The following CEACAM7 variants were observed in gnomAD, a reference collection of about 807,000 sequenced individuals.
CEACAM7 encodes CEA cell adhesion molecule 7, also known as cell adhesion molecule CEACAM7.
Under a neutral mutation model 25.7 loss-of-function variants are expected in CEACAM7, and 24 were observed. The observed-to-expected ratio is 0.93, with a 90% CI of 0.68 to 1.31. CEACAM7 has a LOEUF of 1.31. Among genes scored for constraint, CEACAM7 ranks in the 40% most tolerant of loss-of-function variants. The pLI, the probability that CEACAM7 is intolerant of heterozygous loss-of-function variation, is 0.00. For synonymous variants in CEACAM7, 144 were observed against 129.4 expected, an observed-to-expected ratio of 1.11 and a Z score of -0.77; for missense variants, 324 against 330.1, an observed-to-expected ratio of 0.98 and a Z score of 0.14.
chr19:41,679,811 T>C (rs2072154685), intron 3 of CEACAM7, among the ~76,000 whole-genome samples: 1 of 147,454 alleles, frequency 6.8e-6, no homozygotes, highest in Admixed American at 6.8e-5. Context: ...CTTTTTTTTT[T>C]TTTTTTTTGA....
intron 1 of CEACAM7, 109 bp from the exon 2 acceptor site, chr19:41,687,330 A>AGTGT (rs55639350): frequency 0.014 from 10,623 of 778,228 alleles, 67 homozygotes; most frequent in Admixed American, 0.073. Context: ...TCTTGAAGTA[A>AGTGT]GTGTGTGTGT....
In CEACAM7 at chr19:41,677,356, G is replaced by A. The variant is rs2072124547; in HGVS notation, c.*36+20C>T. The A allele has an allele frequency of 7.6e-7, 1 of 1,321,566 alleles. No homozygotes were observed. Among genetic ancestry groups the A allele is most frequent in the Non-Finnish European group, 1.1e-6 (1 of 915,002 alleles). The allele number at this position is 1,321,566 out of a possible 1,614,324, so 81.9% of individuals were successfully genotyped here. A position where few individuals can be genotyped will look rare whatever the true frequency, so the allele number is the denominator to read the frequency against. On this transcript the variant is annotated intron_variant, in intron 4 of 4. Transcript: ENST00000401731. The stretch of plus-strand genomic sequence containing the variant: ...CAGCCCTGCAGGAAATAGGATAAGA[G>A]GAAAGGTCATAATACCTACCACTCT...
chr19:41,680,234 A>C (rs2072161540), intron 3 of CEACAM7, among the ~76,000 whole-genome samples: 1 of 152,040 alleles, frequency 6.6e-6, no homozygotes, highest in Non-Finnish European at 1.5e-5. Context: ...ATACTTAACC[A>C]AGGAGGTGAA....
chr19:41,674,589 G>A lies in CEACAM7; in HGVS notation c.*187C>T. The stretch of plus-strand genomic sequence containing the variant: ...TGAACATTTTGGTTAGCTCTGAGTG[G>A]CCCACATCTCAGGCATGAGGGTTTT... On this transcript the variant is annotated 3_prime_UTR_variant, in exon 5 of 5. Coordinates refer to ENST00000401731, the MANE Select transcript of CEACAM7 (RefSeq NM_001291485.2). The A allele has an allele frequency of 3.2e-6, 1 of 315,982 alleles. No individual in the cohort carries two copies. Among genetic ancestry groups the A allele is most frequent in the Non-Finnish European group, 6.2e-6 (1 of 161,514 alleles). 19.6% of individuals were successfully genotyped at this position (315,982 alleles called of 1,614,324 possible). A position where few individuals can be genotyped will look rare whatever the true frequency, so the allele number is the denominator to read the frequency against.
At chr19:41,687,245 T>G in intron 1 of CEACAM7, 24 bp from the exon 2 acceptor site, 27 of 1,569,086 alleles carry the variant, frequency 1.7e-5, no homozygotes, top group Non-Finnish European at 2.3e-5. Flanking sequence ...AGAACATCAG[T>G]CAATATTGGG....
Position 41,673,751 on chromosome 19 carries a change from A to G in CEACAM7, c.*1025T>C, listed in dbSNP as rs1386745977. ...CCATCATTTTGGACTTCCATCATTCATAGGTTATGATGTCCTCCTAATCAT... is the reference window on the plus strand; with the variant it reads ...CCATCATTTTGGACTTCCATCATTCGTAGGTTATGATGTCCTCCTAATCAT... On this transcript the variant is annotated 3_prime_UTR_variant, in exon 5 of 5. Transcript: ENST00000401731. 6.6e-6 allele frequency: 1 copy of G among 152,254 alleles called. No homozygotes were observed. The highest frequency in any genetic ancestry group is 1.5e-5 in the Non-Finnish European group (1 of 68,046). The allele number at this position is 152,254 out of a possible 1,614,324, so 9.4% of individuals were successfully genotyped here.
intron 3 of CEACAM7, among the ~76,000 whole-genome samples, chr19:41,683,210 A>G (rs1403012681): frequency 2.6e-5 from 4 of 152,204 alleles, no homozygotes; most frequent in Non-Finnish European, 5.9e-5. Context: ...CATAGCAGGT[A>G]TAGGATACAC....
chr19:41,681,603 G>C (rs553960003), intron 3 of CEACAM7, among the ~76,000 whole-genome samples: 5 of 152,196 alleles, frequency 3.3e-5, no homozygotes, highest in Admixed American at 2.6e-4. Context: ...AGTCTTAACA[G>C]GTAATAAAAT....
chr19:41,679,801 C>CTCTTT lies in CEACAM7; in HGVS notation c.707-2299_707-2298insAAAGA, dbSNP rs35780292. Reference sequence around the variant, plus strand: ...TCTCTGTCTCTTTCTCTCTCTCTCTCTTTTTTTTTTTTTTTTTTGAGACAG... The same window carrying CTCTTT: ...TCTCTGTCTCTTTCTCTCTCTCTCTCTCTTTTTTTTTTTTTTTTTTTTTGAGACAG... On this transcript the variant is annotated intron_variant, in intron 3 of 4. Coordinates refer to ENST00000401731, the MANE Select transcript of CEACAM7 (RefSeq NM_001291485.2). Among the ~76,000 whole-genome samples the CTCTTT allele has an allele frequency of 3.1e-3, 351 of 111,856 alleles. 4 individuals carry two copies. Among genetic ancestry groups the CTCTTT allele is most frequent in the Non-Finnish European group, 4.4e-3 (253 of 57,444 alleles). The allele number at this position is 111,856 out of a possible 152,430, so 73.4% of individuals were successfully genotyped here. A position where few individuals can be genotyped will look rare whatever the true frequency, so the allele number is the denominator to read the frequency against.
chr19:41,681,590 T>C (rs1422680829), intron 3 of CEACAM7, among the ~76,000 whole-genome samples: 6 of 152,136 alleles, frequency 3.9e-5, no homozygotes, highest in Non-Finnish European at 7.4e-5. Context: ...TGGAAACTCA[T>C]TCAGTCTTAA....
intron 2 of CEACAM7, among the ~76,000 whole-genome samples, chr19:41,686,612 C>T (rs1190009990): frequency 6.6e-6 from 1 of 152,144 alleles, no homozygotes; most frequent in Non-Finnish European, 1.5e-5. Context: ...GACTGATCTC[C>T]CCCTGCTGAG....
chr19:41,688,033 C>T (rs1176329092), intron 1 of CEACAM7, 69 bp downstream of exon 1: 20 of 1,436,708 alleles, frequency 1.4e-5, no homozygotes, highest in Non-Finnish European at 1.9e-5. Context: ...GAGCCCCGTC[C>T]TCCCAAGGAG....
Position 41,677,475 on chromosome 19 carries a change from G to A in CEACAM7, c.735C>T (p.Asp245=). 3.7e-6 allele frequency: 6 copies of A among 1,613,968 alleles called. No individual in the cohort carries two copies. The highest frequency in any genetic ancestry group is 5.1e-6 in the Non-Finnish European group (6 of 1,179,826). Residue 245 remains aspartate, a synonymous_variant, in exon 4 of 5, where the codon GAC becomes GAT. Coordinates refer to ENST00000401731, the MANE Select transcript of CEACAM7 (RefSeq NM_001291485.2). ...RYESVQASSP[D]LSAGTAVSIM... ...TGCTGACAGCGGTCCCAGCTGAGAG[G>A]TCAGGTGAACTTGCTTGTACTGACT...
chr19:41,682,713 A>G (rs1466925974), intron 3 of CEACAM7, among the ~76,000 whole-genome samples: 1 of 152,218 alleles, frequency 6.6e-6, no homozygotes, highest in African/African-American at 2.4e-5. Flanking sequence ...TCCCTCGTCC[A>G]AGGGGTTTCC....
chr19:41,683,393 G>A (rs111592270), intron 3 of CEACAM7, among the ~76,000 whole-genome samples: 3 of 152,272 alleles, frequency 2.0e-5, no homozygotes, highest in African/African-American at 4.8e-5. Flanking sequence ...CAAGCCACCC[G>A]GAGCAAAGAG....
chr19:41,686,765 G>T, intron 2 of CEACAM7, 94 bp downstream of exon 2: 2 of 1,348,506 alleles, frequency 1.5e-6, no homozygotes, highest in Non-Finnish European at 2.0e-6. Flanking sequence ...ATAAAATGTA[G>T]ATGGGGACAC....
At chr19:41,675,658 T>C (rs2072106445) in intron 4 of CEACAM7, among the ~76,000 whole-genome samples, 1 of 152,202 alleles carries the variant, frequency 6.6e-6, no homozygotes, top group African/African-American at 2.4e-5. Flanking sequence ...TCCAAGTGCT[T>C]TTAGAGAAGA....
At chr19:41,687,539 T>G (rs1206673643) in intron 1 of CEACAM7, among the ~76,000 whole-genome samples, 1 of 152,248 alleles carries the variant, frequency 6.6e-6, no homozygotes, top group African/African-American at 2.4e-5. Context: ...GTTCCGTTTC[T>G]GACATTTCCC....
chr19:41,678,543 T>C (rs2072140250), intron 3 of CEACAM7, among the ~76,000 whole-genome samples: 1 of 152,154 alleles, frequency 6.6e-6, no homozygotes, highest in Non-Finnish European at 1.5e-5. Flanking sequence ...TTCCTATGTG[T>C]CAGGCCCTGT....
Sources: allele counts gnomAD v4.1 joint callset (sites outside exome capture counted in the v4.1 genomes callset), GRCh38; gene constraint gnomAD v4.1.1; transcripts MANE v1.5; gene names NCBI Gene and HGNC (gene_info 2026-07-23, HGNC 2026-07-21).